The following CMSS1 variants were observed in gnomAD, a reference collection of about 807,000 sequenced individuals.
CMSS1 encodes cms1 ribosomal small subunit homolog.
CMSS1 carries 33 observed loss-of-function variants against 43.5 expected under a neutral mutation model. The ratio of observed to expected loss-of-function variants is 0.76; its 90% confidence interval spans 0.57 to 1.01. CMSS1 has a LOEUF of 1.01. Among genes scored for constraint, CMSS1 ranks in the 50% least tolerant of loss-of-function variants. The pLI, the probability that CMSS1 is intolerant of heterozygous loss-of-function variation, is 0.00. For synonymous variants in CMSS1, 115 were observed against 117.2 expected (o/e 0.98, Z 0.12); for missense variants, 313 against 326.4 (o/e 0.96, Z 0.32).
chr3:100,076,962 A>G (rs11917506), intron 1 of CMSS1, among the ~76,000 whole-genome samples: 10 of 152,220 alleles, frequency 6.6e-5, no homozygotes, highest in African/African-American at 2.4e-4. Flanking sequence ...GTCTCTTCCC[A>G]GAAGACCCTT....
intron 1 of CMSS1, among the ~76,000 whole-genome samples, chr3:99,909,494 A>G (rs962481702): frequency 3.3e-5 from 5 of 152,198 alleles, no homozygotes; most frequent in Non-Finnish European, 5.9e-5. Context: ...AAATTTGTGA[A>G]TAATGAAAAG....
At chr3:100,161,514 C>T (rs2067023017) in intron 3 of CMSS1, among the ~76,000 whole-genome samples, 1 of 151,936 alleles carries the variant, frequency 6.6e-6, no homozygotes, top group Non-Finnish European at 1.5e-5. Flanking sequence ...AGAGGCTTGA[C>T]CATTCTTGGC....
chr3:99,938,270 C>T (rs897839773), intron 1 of CMSS1, among the ~76,000 whole-genome samples: 4 of 152,230 alleles, frequency 2.6e-5, no homozygotes, highest in African/African-American at 7.2e-5. Flanking sequence ...TGAGTATGCA[C>T]TACACTATTT....
intron 1 of CMSS1, 134 bp from the exon 2 acceptor site, chr3:100,146,839 A>G: frequency 8.7e-7 from 1 of 1,146,964 alleles, no homozygotes; most frequent in Non-Finnish European, 1.2e-6. Flanking sequence ...ACTTTGGACC[A>G]TTTCCTTAAG....
intron 1 of CMSS1, among the ~76,000 whole-genome samples, chr3:99,961,519 T>C (rs996386056): frequency 1.2e-4 from 19 of 152,188 alleles, no homozygotes; most frequent in African/African-American, 4.3e-4. Flanking sequence ...TGCCAGCCCA[T>C]GTGTGAACCC....
chr3:99,934,817 GA>G (rs969783112), intron 1 of CMSS1, among the ~76,000 whole-genome samples: 5 of 152,162 alleles, frequency 3.3e-5, no homozygotes, highest in African/African-American at 1.2e-4. Flanking sequence ...AAAAAGGAAT[GA>G]CCTGAAACAT....
chr3:99,842,622 A>C (rs1042438362), intron 1 of CMSS1, among the ~76,000 whole-genome samples: 1 of 152,174 alleles, frequency 6.6e-6, no homozygotes, highest in African/African-American at 2.4e-5. Context: ...GTTTTTCAAA[A>C]TATTGCCTCA....
intron 1 of CMSS1, among the ~76,000 whole-genome samples, chr3:100,094,554 AC>A (rs1163778757): frequency 3.3e-5 from 5 of 151,906 alleles, no homozygotes; most frequent in Non-Finnish European, 5.9e-5. Flanking sequence ...TTTATGTTTT[AC>A]ATTTAGCTTC....
intron 1 of CMSS1, among the ~76,000 whole-genome samples, chr3:100,111,310 T>C (rs1337329768): frequency 1.3e-5 from 2 of 152,180 alleles, no homozygotes; most frequent in Non-Finnish European, 2.9e-5. Context: ...AGTACTCATG[T>C]TGAAAATGCA....
intron 1 of CMSS1, among the ~76,000 whole-genome samples, chr3:100,074,905 G>T (rs1325039586): frequency 2.0e-5 from 3 of 151,646 alleles, no homozygotes; most frequent in Non-Finnish European, 2.9e-5. Context: ...TGTTGGCCAG[G>T]CTGGTCTCGA....
At chr3:99,931,150 T>C in intron 1 of CMSS1, 1 of 774,124 alleles carries the variant, frequency 1.3e-6, no homozygotes, top group Non-Finnish European at 2.1e-6. Flanking sequence ...AAAGTCAATC[T>C]TTTTGATGTC....
At chr3:100,002,702 A>C (rs188681010) in intron 1 of CMSS1, among the ~76,000 whole-genome samples, 48 of 152,360 alleles carry the variant, frequency 3.2e-4, no homozygotes, top group African/African-American at 1.2e-3. Flanking sequence ...ATCTAATTGT[A>C]CATGTGGAAA....
chr3:100,126,842 C>A (rs543807935), intron 1 of CMSS1, among the ~76,000 whole-genome samples: 2 of 152,128 alleles, frequency 1.3e-5, no homozygotes, highest in Non-Finnish European at 2.9e-5. Flanking sequence ...ACTAAAAATA[C>A]AAAAAATTAG....
intron 1 of CMSS1, among the ~76,000 whole-genome samples, chr3:100,013,155 G>GATTTTTGTGCCCT (rs1710212756): frequency 6.6e-6 from 1 of 151,994 alleles, no homozygotes; most frequent in African/African-American, 2.4e-5. Context: ...GGGATTGTTG[G>GATTTTTGTGCCCT]CATGAGCTAC....
At chr3:100,144,690 T>C (rs1394191656) in intron 1 of CMSS1, among the ~76,000 whole-genome samples, 1 of 152,208 alleles carries the variant, frequency 6.6e-6, no homozygotes, top group East Asian at 1.9e-4. Context: ...GGTTATTGTC[T>C]GAAAGGTTTT....
chr3:99,877,132 A>G (rs1273899387), intron 1 of CMSS1, among the ~76,000 whole-genome samples: 1 of 152,218 alleles, frequency 6.6e-6, no homozygotes, highest in African/African-American at 2.4e-5. Flanking sequence ...AGTCATACCT[A>G]AAGTTCTAGC....
At chr3:100,146,830 C>A in intron 1 of CMSS1, 143 bp from the exon 2 acceptor site, 1 of 1,039,090 alleles carries the variant, frequency 9.6e-7, no homozygotes, top group Non-Finnish European at 1.4e-6. Flanking sequence ...ATCTGTTTTA[C>A]TTTGGACCAT....
intron 1 of CMSS1, among the ~76,000 whole-genome samples, chr3:100,041,917 G>A (rs2065211579): frequency 6.6e-6 from 1 of 152,136 alleles, no homozygotes; most frequent in South Asian, 2.1e-4. Flanking sequence ...TGAAAACTAG[G>A]ATAGAAAGGC....
intron 1 of CMSS1, among the ~76,000 whole-genome samples, chr3:100,002,769 C>CCTTAGACCAG (rs1442474085): frequency 6.6e-6 from 1 of 152,142 alleles, no homozygotes; most frequent in Non-Finnish European, 1.5e-5. Flanking sequence ...GTCCCTTAGG[C>CCTTAGACCAG]CTTAGACCAG....
Sources: gnomAD v4.1 joint callset for allele counts (sites outside exome capture counted in the v4.1 genomes callset) on GRCh38, gnomAD v4.1.1 for gene constraint, MANE v1.5 for transcripts, NCBI Gene and HGNC (gene_info 2026-07-23, HGNC 2026-07-21) for gene names.